PKN2: variants seen among roughly 807,000 people sequenced by gnomAD.
PKN2 encodes protein kinase N2.
Under a neutral mutation model 119.1 loss-of-function variants are expected in PKN2, and 38 were observed. The ratio of observed to expected loss-of-function variants is 0.32; its 90% CI spans 0.25 to 0.42. PKN2 has a LOEUF of 0.42. Ranked by LOEUF, PKN2 falls within the 10% of genes least tolerant of loss-of-function variation. The pLI, the probability that PKN2 is intolerant of heterozygous loss-of-function variation, is 1.00. For synonymous variants in PKN2, 390 were observed against 384.9 expected (o/e 1.01, Z -0.15); for missense variants, 850 against 1,165.1 (o/e 0.73, Z 3.94).
intron 1 of PKN2, chr1:88,685,239 C>T (rs919981712): frequency 4.0e-5 from 6 of 151,740 alleles, no homozygotes; most frequent in African/African-American, 1.5e-4. Context: ...TTATCTTTTT[C>T]TTTTCTTTTC....
chr1:88,704,342 AG>A (rs1217119911), intron 1 of PKN2, among the ~76,000 whole-genome samples: 1 of 152,142 alleles, frequency 6.6e-6, no homozygotes, highest in Non-Finnish European at 1.5e-5. Flanking sequence ...TTTGTTGTTG[AG>A]TAGTATTTCA....
intron 8 of PKN2, among the ~76,000 whole-genome samples, chr1:88,801,182 C>T (rs1343608200): frequency 6.6e-6 from 1 of 152,046 alleles, no homozygotes; most frequent in Non-Finnish European, 1.5e-5. Flanking sequence ...GTCAGGAGTT[C>T]GAGACCAGCC....
intron 1 of PKN2, among the ~76,000 whole-genome samples, chr1:88,727,663 C>T (rs1203031098): frequency 6.6e-6 from 1 of 152,132 alleles, no homozygotes; most frequent in East Asian, 1.9e-4. Context: ...ATTTTGATTT[C>T]TTACAGTGTT....
intron 8 of PKN2, among the ~76,000 whole-genome samples, chr1:88,796,524 T>C (rs1265139876): frequency 6.6e-6 from 1 of 152,252 alleles, no homozygotes; most frequent in Non-Finnish European, 1.5e-5. Context: ...AACTGTTTCC[T>C]ATCCCTATGA....
chr1:88,684,941 G>GC (rs1666018599), intron 1 of PKN2: 2 of 316,218 alleles, frequency 6.3e-6, no homozygotes, highest in Non-Finnish European at 1.2e-5. Flanking sequence ...CCGGCCCGTC[G>GC]CCCCCTCCCT....
intron 8 of PKN2, among the ~76,000 whole-genome samples, chr1:88,790,914 A>G (rs1670806290): frequency 6.6e-6 from 1 of 152,078 alleles, no homozygotes; most frequent in Admixed American, 6.6e-5. Flanking sequence ...TTTAATTTTT[A>G]GAAGTTCATT....
chr1:88,761,624 A>AG (rs1280110728), intron 3 of PKN2, among the ~76,000 whole-genome samples: 2 of 151,284 alleles, frequency 1.3e-5, no homozygotes, highest in African/African-American at 2.4e-5. Flanking sequence ...AAAAAAAAAA[A>AG]AAAAAAAAAA....
Position 88,693,705 on chromosome 1 carries a change from T to G in PKN2, c.48+9077T>G, listed in dbSNP as rs1308707218. Among the ~76,000 whole-genome samples the G allele has an allele frequency of 5.9e-5, 9 of 152,054 alleles. 1 individual carries two copies. The highest frequency in any genetic ancestry group is 1.0e-4 in the Non-Finnish European group (7 of 68,000). ...TAACCTGGGCAGCATAGTGAGACCC[T>G]GTCTCAAAAAAAGAAAGAAAAGAAA... On this transcript the variant is annotated intron_variant, in intron 1 of 21. Transcript: ENST00000370521.
At chr1:88,703,541 G>A (rs1386341897) in intron 1 of PKN2, among the ~76,000 whole-genome samples, 1 of 152,064 alleles carries the variant, frequency 6.6e-6, no homozygotes, top group African/African-American at 2.4e-5. Context: ...TCTAAATCCA[G>A]GCTAATGATC....
intron 16 of PKN2, among the ~76,000 whole-genome samples, chr1:88,820,235 A>ATATAT (rs1672216340): frequency 3.2e-5 from 3 of 93,518 alleles, no homozygotes; most frequent in African/African-American, 1.8e-4. Context: ...TATATATATA[A>ATATAT]ATAGAAAAAA....
chr1:88,808,282 AC>A (rs1482218030), intron 15 of PKN2, among the ~76,000 whole-genome samples: 1 of 151,870 alleles, frequency 6.6e-6, no homozygotes, highest in Non-Finnish European at 1.5e-5. Context: ...GGTATCTTAT[AC>A]AATTGTTTTT....
At chr1:88,749,181 T>G (rs1309700069) in intron 2 of PKN2, among the ~76,000 whole-genome samples, 1 of 152,218 alleles carries the variant, frequency 6.6e-6, no homozygotes, top group South Asian at 2.1e-4. Flanking sequence ...TACAGAGTTA[T>G]GTACAGAATG....
intron 8 of PKN2, among the ~76,000 whole-genome samples, chr1:88,796,425 G>A (rs1218486117): frequency 1.3e-5 from 2 of 152,114 alleles, no homozygotes; most frequent in Non-Finnish European, 2.9e-5. Flanking sequence ...TCCAAGTCAT[G>A]CTAAGCTCCT....
chr1:88,774,936 C>G (rs575185440), intron 6 of PKN2, among the ~76,000 whole-genome samples: 5 of 152,054 alleles, frequency 3.3e-5, no homozygotes, highest in Admixed American at 2.0e-4. Flanking sequence ...CTCAAACTCC[C>G]GGCCTCAAGT....
At chr1:88,821,566 A>G in intron 16 of PKN2, among the ~76,000 whole-genome samples, 1 of 152,178 alleles carries the variant, frequency 6.6e-6, no homozygotes, top group African/African-American at 2.4e-5. Flanking sequence ...CAAACATGTT[A>G]CGCCTTTTGC....
At chr1:88,688,600 A>G (rs949324291) in intron 1 of PKN2, among the ~76,000 whole-genome samples, 1 of 152,248 alleles carries the variant, frequency 6.6e-6, no homozygotes, top group African/African-American at 2.4e-5. Context: ...TATTGTAGAT[A>G]CAGTCTAATA....
chr1:88,800,980 C>G (rs750296908), intron 8 of PKN2, among the ~76,000 whole-genome samples: 1 of 152,110 alleles, frequency 6.6e-6, no homozygotes, highest in South Asian at 2.1e-4. Flanking sequence ...TCTAGAATAT[C>G]GTTGCTCCTA....
chr1:88,775,964 C>T (rs1476817272), intron 6 of PKN2, among the ~76,000 whole-genome samples: 5 of 151,882 alleles, frequency 3.3e-5, no homozygotes, highest in Admixed American at 6.6e-5. Context: ...AAAAATTAGC[C>T]GGGCGTGGTG....
chr1:88,759,596 C>T (rs1326842437), intron 2 of PKN2, among the ~76,000 whole-genome samples: 1 of 152,062 alleles, frequency 6.6e-6, no homozygotes, highest in African/African-American at 2.4e-5. Flanking sequence ...GTAGTTTGTG[C>T]ACATATTTTA....
Sources: allele counts gnomAD v4.1 joint callset (sites outside exome capture counted in the v4.1 genomes callset), GRCh38; gene constraint gnomAD v4.1.1; transcripts MANE v1.5; gene names NCBI Gene and HGNC (gene_info 2026-07-23, HGNC 2026-07-21).